The following CFTR variants were observed in gnomAD, a reference collection of about 807,000 sequenced individuals.
CFTR encodes the protein CF transmembrane conductance regulator.
A neutral mutation model predicts 171.6 loss-of-function variants in CFTR; 181 were observed. That is an observed-to-expected ratio of 1.05 (90% CI 0.93 to 1.19). The LOEUF is 1.19. Ranked by LOEUF, CFTR falls within the 50% of genes most tolerant of loss-of-function variation. The probability of loss-of-function intolerance (pLI) is 0.00; values close to 1 mark genes in which losing one functional copy is unlikely to be tolerated. For synonymous variants in CFTR, 583 were observed against 608.0 expected, an observed-to-expected ratio of 0.96 and a Z score of 0.60; for missense variants, 1,968 against 1,734.7, an observed-to-expected ratio of 1.13 and a Z score of -2.39.
chr7:117,585,375 C>T (rs1002439352), intron 11 of CFTR, among the ~76,000 whole-genome samples: 7 of 151,926 alleles, frequency 4.6e-5, no homozygotes, highest in Admixed American at 2.6e-4. Context: ...GTGTTATAAT[C>T]GTACTGTCAA....
Position 117,664,679 on chromosome 7 carries a change from T to A in CFTR, c.3964-9T>A, listed in dbSNP as rs1562928845. ...TCTGTGGTATCTGAACTATCTTCTC[T>A]AACTGCAGGTTGGGCTCAGATCTGT... On this transcript the variant is annotated splice_polypyrimidine_tract_variant and intron_variant, in intron 24 of 26. Coordinates refer to ENST00000003084, the MANE Select transcript of CFTR (RefSeq NM_000492.4). 2 of 1,613,430 alleles carry A rather than the reference T, an allele frequency of 1.2e-6. No individual in the cohort carries two copies. Among genetic ancestry groups the A allele is most frequent in the South Asian group, 2.2e-5 (2 of 91,066 alleles).
Position 117,606,674 on chromosome 7 carries a change from G to A in CFTR, c.2909G>A (p.Gly970Asp), listed in dbSNP as rs386134230. Reference protein sequence around the residue: ...PMSTLNTLKAGGILNRFSKDI... With the variant: ...PMSTLNTLKADGILNRFSKDI... The stretch of plus-strand genomic sequence containing the variant: ...GAATTTGTCATCTTGTATATTATAG[G>A]TGGGATTCTTAATAGATTCTCCAAA... The change falls in exon 18 of 27, where the codon GGT (glycine) becomes GAT (aspartate). Residue 970 changes from glycine (G) to aspartate (D), a missense_variant and splice_region_variant. By Grantham distance (94) the Gly-to-Asp change is moderately conservative. Transcript: ENST00000003084. 9 of 1,515,888 alleles carry A rather than the reference G, an allele frequency of 5.9e-6. No homozygotes were observed. In the East Asian group the frequency reaches 1.6e-4, roughly 27 times the overall value. The allele number at this position is 1,515,888 out of a possible 1,614,324, so 93.9% of individuals were successfully genotyped here.
At chr7:117,597,290 A>G (rs1291408806) in intron 15 of CFTR, among the ~76,000 whole-genome samples, 1 of 152,158 alleles carries the variant, frequency 6.6e-6, no homozygotes, top group Non-Finnish European at 1.5e-5. Context: ...GAACAAACTC[A>G]GGACACGCGG....
Position 117,592,525 on chromosome 7 carries a change from G to C in CFTR, c.2358G>C (p.Lys786Asn), listed in dbSNP as rs765432538. Reference sequence around the variant, plus strand: ...ACCAAGGTCAGAACATTCACCGAAAGACAACAGCATCCACACGAAAAGTGT... The same window carrying C: ...ACCAAGGTCAGAACATTCACCGAAACACAACAGCATCCACACGAAAAGTGT... ...SVNQGQNIHR[K>N]TTASTRKVSL... is the part of the protein sequence containing the mutation. Residue 786 changes from lysine (K) to asparagine (N), a missense_variant, in exon 14 of 27, where the codon AAG (lysine) becomes AAC (asparagine). By Grantham distance (94) the Lys-to-Asn change is moderately conservative. Transcript: ENST00000003084. 6.5e-7 allele frequency: 1 copy of C among 1,527,038 alleles called. No homozygotes were observed. Among genetic ancestry groups the C allele is most frequent in the Admixed American group, 2.2e-5 (1 of 45,866 alleles). 94.6% of individuals were successfully genotyped at this position (1,527,038 alleles called of 1,614,324 possible). A position where few individuals can be genotyped will look rare whatever the true frequency, so the allele number is the denominator to read the frequency against.
intron 11 of CFTR, among the ~76,000 whole-genome samples, chr7:117,565,726 C>A (rs1472896620): frequency 6.6e-6 from 1 of 151,996 alleles, no homozygotes; most frequent in Non-Finnish European, 1.5e-5. Flanking sequence ...AAGGTAAAAT[C>A]TGGATGTAGT....
chr7:117,500,118 T>A (rs902028773), intron 1 of CFTR, among the ~76,000 whole-genome samples: 23 of 152,106 alleles, frequency 1.5e-4, no homozygotes, highest in African/African-American at 5.6e-4. Flanking sequence ...CTAGGTTTAA[T>A]ATACTCAGGG....
chr7:117,573,273 CCTT>C (rs901738101), intron 11 of CFTR, among the ~76,000 whole-genome samples: 2 of 152,092 alleles, frequency 1.3e-5, no homozygotes, highest in African/African-American at 2.4e-5. Flanking sequence ...GTTATGCACT[CCTT>C]AATAATAAAG....
intron 15 of CFTR, among the ~76,000 whole-genome samples, chr7:117,596,340 C>T (rs1053232781): frequency 4.6e-5 from 7 of 152,240 alleles, no homozygotes; most frequent in African/African-American, 9.6e-5. Context: ...TGCCTCCCTG[C>T]GGGGCAGGGC....
intron 9 of CFTR, among the ~76,000 whole-genome samples, chr7:117,545,420 T>A (rs981265023): frequency 6.6e-6 from 1 of 152,190 alleles, no homozygotes; most frequent in Non-Finnish European, 1.5e-5. Flanking sequence ...TGATAACCAA[T>A]GTGCTGATGA....
intron 3 of CFTR, among the ~76,000 whole-genome samples, chr7:117,513,212 T>C (rs1798548859): frequency 6.6e-6 from 1 of 152,124 alleles, no homozygotes; most frequent in African/African-American, 2.4e-5. Flanking sequence ...GTATGGAAGC[T>C]TGTATACCAT....
chr7:117,511,126 G>A (rs528250875), intron 3 of CFTR, among the ~76,000 whole-genome samples: 31 of 152,204 alleles, frequency 2.0e-4, no homozygotes, highest in African/African-American at 6.5e-4. Context: ...GTTCTGCTGA[G>A]CTTCTCTGCG....
intron 20 of CFTR, among the ~76,000 whole-genome samples, chr7:117,612,044 T>C (rs1184966091): frequency 2.6e-5 from 2 of 75,970 alleles, no homozygotes; most frequent in South Asian, 3.7e-4. Flanking sequence ...TATATATATA[T>C]ATATATATAC....
Position 117,530,975 on chromosome 7 carries a change from G to T in CFTR, c.350G>T (p.Arg117Leu), listed in dbSNP as rs78655421. 28 of 1,613,590 alleles carry T rather than the reference G, an allele frequency of 1.7e-5. No individual in the cohort carries two copies. The highest frequency in any genetic ancestry group is 2.1e-5 in the Non-Finnish European group (25 of 1,179,772). Residue 117 changes from arginine (R) to leucine (L), a missense_variant, in exon 4 of 27, where the codon CGC becomes CTC. Physicochemically the swap from Arg to Leu is moderately radical, Grantham distance 102. Transcript: ENST00000003084. ...TATGACCCGGATAACAAGGAGGAAC[G>T]CTCTATCGCGATTTATCTAGGCATA... is the stretch of plus-strand genomic sequence containing the variant. ...ASYDPDNKEE[R>L]SIAIYLGIGL...
chr7:117,531,718 G>A (rs988923182), intron 4 of CFTR, among the ~76,000 whole-genome samples: 2 of 152,078 alleles, frequency 1.3e-5, no homozygotes, highest in African/African-American at 4.8e-5. Context: ...GCATCATTTA[G>A]GTGAATTCTA....
At chr7:117,586,906 T>G (rs1351229952) in intron 11 of CFTR, among the ~76,000 whole-genome samples, 2 of 152,186 alleles carry the variant, frequency 1.3e-5, no homozygotes, top group African/African-American at 4.8e-5. Context: ...TGTACAAAAT[T>G]AATTTGCCAA....
intron 22 of CFTR, among the ~76,000 whole-genome samples, chr7:117,636,321 T>C (rs1285856093): frequency 2.0e-5 from 3 of 152,058 alleles, no homozygotes; most frequent in African/African-American, 7.3e-5. Flanking sequence ...CCTTTCTTTT[T>C]GAACATGATA....
rs4148725 is a variant in CFTR at position 117,667,022 on chromosome 7, C to T, written c.4357C>T (p.Arg1453Trp). ...CGACAGGGTGAAGCTCTTTCCCCAC[C>T]GGAACTCAAGCAAGTGCAAGTCTAA... ...PSDRVKLFPH[R>W]NSSKCKSKPQ... Residue 1453 changes from arginine to tryptophan, a missense_variant, in exon 27 of 27, where the codon CGG becomes TGG. By Grantham distance (101) the Arg-to-Trp change is moderately radical. Transcript: ENST00000003084. 3.8e-4 allele frequency: 606 copies of T among 1,614,034 alleles called. 6 individuals are homozygous for T. In the East Asian group the frequency reaches 0.012, roughly 33 times the overall value.
At chr7:117,542,798 T>C (rs896544000) in intron 9 of CFTR, among the ~76,000 whole-genome samples, 1 of 152,128 alleles carries the variant, frequency 6.6e-6, no homozygotes, top group Non-Finnish European at 1.5e-5. Context: ...ATATTAATAT[T>C]TACCTTGCAA....
At chr7:117,501,117 A>G (rs1351553265) in intron 1 of CFTR, among the ~76,000 whole-genome samples, 1 of 152,232 alleles carries the variant, frequency 6.6e-6, no homozygotes, top group Non-Finnish European at 1.5e-5. Context: ...ATTGACAGAT[A>G]GTGAAATTCT....
Sources: allele counts gnomAD v4.1 joint callset (sites outside exome capture counted in the v4.1 genomes callset), GRCh38; gene constraint gnomAD v4.1.1; transcripts MANE v1.5; gene names NCBI Gene and HGNC (gene_info 2026-07-23, HGNC 2026-07-21).